Variants in CDH12 observed in about 807,000 individuals in gnomAD.
CDH12 encodes cadherin-12.
In CDH12, 41 loss-of-function variants were observed where a neutral mutation model predicts 74.1. The observed-to-expected ratio is 0.55, with a 90% CI of 0.43 to 0.72. The LOEUF is 0.72. Among genes scored for constraint, CDH12 ranks in the 30% least tolerant of loss-of-function variants. CDH12 has a pLI of 0.00. For synonymous variants in CDH12, 399 were observed against 355.0 expected (o/e 1.12, Z -1.39); for missense variants, 945 against 977.2 (o/e 0.97, Z 0.44).
intron 2 of CDH12, among the ~76,000 whole-genome samples, chr5:22,461,055 AGACAGTCTTGCTGGGTCACCCAG>A (rs1344850947): frequency 3.7e-5 from 1 of 27,316 alleles, no homozygotes; most frequent in Non-Finnish European, 6.3e-5. Context: ...TTTTTTTTTG[AGACAGTCTTGCTGGGTCACCCAG>A]GCTGGAGTGA....
chr5:22,484,449 G>A (rs897083784), intron 2 of CDH12, among the ~76,000 whole-genome samples: 5 of 152,112 alleles, frequency 3.3e-5, no homozygotes, highest in African/African-American at 1.2e-4. Flanking sequence ...TAATCATGTT[G>A]CACACTCCTT....
intron 1 of CDH12, among the ~76,000 whole-genome samples, chr5:22,825,619 G>A (rs1736280950): frequency 6.6e-6 from 1 of 152,192 alleles, no homozygotes; most frequent in South Asian, 2.1e-4. Flanking sequence ...GGGAAGATTA[G>A]TAGGGAACTA....
chr5:22,766,292 A>C (rs546363657), intron 1 of CDH12, among the ~76,000 whole-genome samples: 3 of 152,108 alleles, frequency 2.0e-5, no homozygotes, highest in African/African-American at 7.2e-5. Context: ...ACAGGTGCAC[A>C]AAGACATGCA....
At chr5:22,668,881 C>A (rs1255271792) in intron 1 of CDH12, among the ~76,000 whole-genome samples, 1 of 151,854 alleles carries the variant, frequency 6.6e-6, no homozygotes, top group Non-Finnish European at 1.5e-5. Context: ...CCTCTTTTTT[C>A]AACTCCTCTC....
intron 1 of CDH12, among the ~76,000 whole-genome samples, chr5:22,762,227 T>A (rs1279425480): frequency 6.6e-6 from 1 of 152,020 alleles, no homozygotes; most frequent in African/African-American, 2.4e-5. Context: ...TATATATACA[T>A]AAAGAAAATC....
chr5:22,465,976 C>A (rs968013189), intron 2 of CDH12, among the ~76,000 whole-genome samples: 31 of 152,176 alleles, frequency 2.0e-4, no homozygotes, highest in African/African-American at 7.0e-4. Flanking sequence ...TTTCTCATCA[C>A]CAGCATCATA....
intron 1 of CDH12, among the ~76,000 whole-genome samples, chr5:22,544,028 T>C (rs986727360): frequency 1.3e-5 from 2 of 152,074 alleles, no homozygotes; most frequent in African/African-American, 4.8e-5. Flanking sequence ...AAAAGATATA[T>C]AGATGTGGTT....
chr5:22,753,369 A>G (rs994447811), intron 1 of CDH12, among the ~76,000 whole-genome samples: 3 of 150,482 alleles, frequency 2.0e-5, no homozygotes, highest in Admixed American at 6.6e-5. Context: ...CCCGGGAGGC[A>G]GAGCTTGCAG....
intron 4 of CDH12, among the ~76,000 whole-genome samples, chr5:22,210,853 GC>G (rs572768407): frequency 6.6e-6 from 1 of 151,810 alleles, no homozygotes; most frequent in South Asian, 2.1e-4. Flanking sequence ...AAAATAAGAA[GC>G]CAAAGACCCA....
intron 3 of CDH12, among the ~76,000 whole-genome samples, chr5:22,247,027 A>C (rs537877151): frequency 6.6e-6 from 1 of 152,314 alleles, no homozygotes; most frequent in East Asian, 1.9e-4. Flanking sequence ...GTAAATACAA[A>C]TTCTGGACTA....
intron 10 of CDH12, among the ~76,000 whole-genome samples, chr5:21,791,173 C>A (rs544067939): frequency 1.3e-5 from 2 of 152,042 alleles, no homozygotes; most frequent in Admixed American, 1.3e-4. Flanking sequence ...GGCATCTTCC[C>A]AGTGCTCTGT....
chr5:22,436,038 A>G (rs1032927997), intron 2 of CDH12, among the ~76,000 whole-genome samples: 10 of 151,732 alleles, frequency 6.6e-5, no homozygotes, highest in African/African-American at 2.4e-4. Flanking sequence ...ACATTGATAG[A>G]CTAGATTAAG....
intron 3 of CDH12, among the ~76,000 whole-genome samples, chr5:22,292,384 A>T (rs1487619930): frequency 6.8e-6 from 1 of 147,150 alleles, no homozygotes; most frequent in Non-Finnish European, 1.5e-5. Context: ...GAAAAGCAAA[A>T]ATAGACAAAT....
chr5:22,847,867 A>G (rs1297964749), intron 1 of CDH12, among the ~76,000 whole-genome samples: 1 of 151,058 alleles, frequency 6.6e-6, no homozygotes, highest in Non-Finnish European at 1.5e-5. Context: ...TCTTTCTTTT[A>G]TTCTTTTTTT....
At position 22,540,828 on chromosome 5, in the gene CDH12, C is replaced by T. The variant is rs946325077; in HGVS notation, c.-522-35464G>A. ...TGTCAATTCTGTAAAGCAAATCTTT[C>T]TTATGACAAATTTCATATCAGTAAT... On this transcript the variant is annotated intron_variant, in intron 1 of 14. Transcript: ENST00000382254. 7.2e-5 allele frequency among the ~76,000 whole-genome samples: 11 copies of T among 152,256 alleles called. No homozygotes were observed. The East Asian group carries it at 1.5e-3, about 21-fold the overall frequency.
In CDH12 at chr5:22,384,541, G is replaced by GAA. The variant is rs758746627; in HGVS notation, c.-333+20714_-333+20715dup. Among the ~76,000 whole-genome samples, 20 of 124,828 alleles carry GAA rather than the reference G, an allele frequency of 1.6e-4. 2 individuals carry two copies. The East Asian group carries it at 2.7e-3, about 17-fold the overall frequency. 81.9% of individuals were successfully genotyped at this position (124,828 alleles called of 152,430 possible). A position where few individuals can be genotyped will look rare whatever the true frequency, so the allele number is the denominator to read the frequency against. ...ACTCCGTCTCAAAAAAAAAAAAAAA[G>GAA]AAAAAGAAAAAGAAAAGAAAATGTC... On this transcript the variant is annotated intron_variant, in intron 3 of 14. Transcript: ENST00000382254.
chr5:22,404,947 C>T (rs535820291), intron 3 of CDH12, among the ~76,000 whole-genome samples: 9 of 152,316 alleles, frequency 5.9e-5, no homozygotes, highest in African/African-American at 1.4e-4. Flanking sequence ...CAGTGGCTCA[C>T]GCCTATAATT....
intron 3 of CDH12, among the ~76,000 whole-genome samples, chr5:22,322,600 T>C (rs955061439): frequency 1.3e-5 from 2 of 152,170 alleles, no homozygotes; most frequent in Non-Finnish European, 1.5e-5. Flanking sequence ...TACACGGAGG[T>C]TGAAAAATCA....
chr5:21,953,377 C>T (rs1311733442), intron 6 of CDH12, among the ~76,000 whole-genome samples: 1 of 152,192 alleles, frequency 6.6e-6, no homozygotes, highest in Non-Finnish European at 1.5e-5. Context: ...AACTGTAACC[C>T]GGTTGCCTTG....
Sources: allele counts gnomAD v4.1 joint callset (sites outside exome capture counted in the v4.1 genomes callset), GRCh38; gene constraint gnomAD v4.1.1; transcripts MANE v1.5; gene names NCBI Gene and HGNC (gene_info 2026-07-23, HGNC 2026-07-21).